Variants in COL4A4 observed in about 807,000 individuals in gnomAD.
COL4A4 encodes the protein collagen type IV alpha 4 chain.
In COL4A4, 105 loss-of-function variants were observed where a neutral mutation model predicts 192.9. That is an observed-to-expected ratio of 0.54 (90% CI 0.46 to 0.64). COL4A4 has a LOEUF of 0.64. Among genes scored for constraint, COL4A4 ranks in the 30% least tolerant of loss-of-function variants. The probability of loss-of-function intolerance (pLI) is 0.00; values close to 1 mark genes in which losing one functional copy is unlikely to be tolerated. For synonymous variants in COL4A4, 762 were observed against 769.9 expected (o/e 0.99, Z 0.17); for missense variants, 1,967 against 2,169.3 (o/e 0.91, Z 1.85).
chr2:227,118,699 T>A lies in COL4A4; in HGVS notation c.435A>T (p.Arg145Ser). 3.7e-6 allele frequency: 6 copies of A among 1,614,096 alleles called. No individual in the cohort carries two copies. The highest frequency in any genetic ancestry group is 5.1e-6 in the Non-Finnish European group (6 of 1,180,012). ...TTCCTCCTGGAAACCCTGGGTCACCTCTTGAGCCATTGTGGCCACTCATAC... is the reference window on the plus strand; with the variant it reads ...TTCCTCCTGGAAACCCTGGGTCACCACTTGAGCCATTGTGGCCACTCATAC... ...KPGMSGHNGS[R>S]GDPGFPGGRG... The change falls in exon 7 of 48, where the codon AGA becomes AGT. Residue 145 changes from arginine (R) to serine (S), a missense_variant. Arg to Ser is a moderately radical substitution (Grantham distance 110). Coordinates refer to ENST00000396625, the MANE Select transcript of COL4A4 (RefSeq NM_000092.5).
intron 20 of COL4A4, among the ~76,000 whole-genome samples, chr2:227,093,233 A>G (rs1275421510): frequency 1.3e-5 from 2 of 152,150 alleles, no homozygotes; most frequent in African/African-American, 4.8e-5. Context: ...AGTTTAAATA[A>G]TAATAGCCCT....
rs1300750191 is a variant in COL4A4, at chr2:227,138,616, G to C, written c.192+1545C>G. ...CCACCGCACTCCAGCCTGGGTGACA[G>C]AGCGAGACTCTGTCTCAAAACAAAA... is the stretch of plus-strand genomic sequence containing the variant. On this transcript the variant is annotated intron_variant, in intron 4 of 47. Coordinates refer to ENST00000396625, the MANE Select transcript of COL4A4 (RefSeq NM_000092.5). Among the ~76,000 whole-genome samples, 3 of 148,264 alleles carry C rather than the reference G, an allele frequency of 2.0e-5. No individual in the cohort carries two copies. In the East Asian group the frequency reaches 5.9e-4, roughly 29 times the overall value.
intron 22 of COL4A4, among the ~76,000 whole-genome samples, chr2:227,086,796 A>G (rs76857260): frequency 0.056 from 8,489 of 152,292 alleles, 380 homozygotes; most frequent in African/African-American, 0.11. Context: ...GTACCAACAC[A>G]CACAAAAATG....
chr2:227,018,919 T>A (rs935555552), intron 44 of COL4A4, among the ~76,000 whole-genome samples: 3 of 152,274 alleles, frequency 2.0e-5, no homozygotes, highest in East Asian at 1.9e-4. Flanking sequence ...GGAGAGAGAA[T>A]CTTGTTCTTG....
At chr2:227,066,110 G>T (rs1559537325) in intron 25 of COL4A4, among the ~76,000 whole-genome samples, 1 of 152,172 alleles carries the variant, frequency 6.6e-6, no homozygotes. Context: ...CGATCAACTG[G>T]AACAAAGGGT....
At chr2:227,095,620 C>T (rs115465888) in intron 19 of COL4A4, among the ~76,000 whole-genome samples, 1 of 152,156 alleles carries the variant, frequency 6.6e-6, no homozygotes, top group Admixed American at 6.5e-5. Flanking sequence ...GCTGGCCAGG[C>T]CCGGTGGCTC....
intron 31 of COL4A4, 79 bp from the exon 32 acceptor site, chr2:227,052,491 C>G: frequency 1.2e-6 from 1 of 848,394 alleles, no homozygotes; most frequent in Non-Finnish European, 2.0e-6. Flanking sequence ...ATTTCACTCC[C>G]AAATCGCAAA....
At chr2:227,034,194 G>A (rs921140111) in intron 37 of COL4A4, among the ~76,000 whole-genome samples, 6 of 152,186 alleles carry the variant, frequency 3.9e-5, no homozygotes, top group African/African-American at 1.4e-4. Flanking sequence ...CCAAAGAGCC[G>A]TCCACCAGCC....
intron 12 of COL4A4, 48 bp downstream of exon 12, chr2:227,108,533 G>GCA (rs752158015): frequency 6.4e-7 from 1 of 1,571,776 alleles, no homozygotes; most frequent in Non-Finnish European, 8.8e-7. Flanking sequence ...CCCCTGAGCA[G>GCA]CACACACACG....
chr2:227,057,423 A>C lies in COL4A4; in HGVS notation c.2545+16T>G, dbSNP rs2150249487. The C allele has an allele frequency of 6.3e-7, 1 of 1,593,686 alleles. No individual in the cohort carries two copies. The highest frequency in any genetic ancestry group is 8.6e-7 in the Non-Finnish European group (1 of 1,169,038). On this transcript the variant is annotated intron_variant, in intron 29 of 47. Transcript: ENST00000396625. Reference sequence around the variant, plus strand: ...GTAGGGTAAGCCCCAGACCCTTCACAGTTCTTGACACTTACCTGGGCTACC... The same window carrying C: ...GTAGGGTAAGCCCCAGACCCTTCACCGTTCTTGACACTTACCTGGGCTACC...
the COL4A4 span, among the ~76,000 whole-genome samples, chr2:226,987,167 G>A: frequency 6.6e-6 from 1 of 152,172 alleles, no homozygotes; most frequent in Non-Finnish European, 1.5e-5. Flanking sequence ...TCACAGACCA[G>A]GGCCTGTTGG....
At chr2:227,063,533 T>C (rs1977669701) in intron 25 of COL4A4, among the ~76,000 whole-genome samples, 1 of 152,038 alleles carries the variant, frequency 6.6e-6, no homozygotes, top group Admixed American at 6.6e-5. Flanking sequence ...ACTTCACAAC[T>C]AGCAATGTAG....
At chr2:227,046,068 C>CGT (rs1400778037) in intron 35 of COL4A4, among the ~76,000 whole-genome samples, 9 of 133,852 alleles carry the variant, frequency 6.7e-5, no homozygotes, top group South Asian at 4.5e-4. Context: ...AACATATATA[C>CGT]ATATATATAT....
intron 9 of COL4A4, 66 bp from the exon 10 acceptor site, chr2:227,109,352 G>A (rs1480390286): frequency 7.9e-7 from 1 of 1,272,364 alleles, no homozygotes; most frequent in Non-Finnish European, 1.2e-6. Flanking sequence ...AGAAAGAGTT[G>A]CGTGTGATCC....
chr2:227,061,305 G>A (rs1976986073), intron 26 of COL4A4, among the ~76,000 whole-genome samples: 1 of 152,220 alleles, frequency 6.6e-6, no homozygotes, highest in East Asian at 1.9e-4. Flanking sequence ...GTGGTGGGCG[G>A]AGTGTAATTC....
At chr2:227,120,019 A>G (rs1345671110) in intron 5 of COL4A4, 80 bp from the exon 6 acceptor site, 13 of 1,106,718 alleles carry the variant, frequency 1.2e-5, no homozygotes, top group Non-Finnish European at 1.4e-5. Context: ...GTAACAATTA[A>G]TTACTCATCT....
chr2:227,083,473 G>C (rs969750240), intron 22 of COL4A4, among the ~76,000 whole-genome samples: 3 of 151,994 alleles, frequency 2.0e-5, no homozygotes, highest in African/African-American at 7.2e-5. Flanking sequence ...TTGAGACGGG[G>C]TCTCACTTCA....
rs530983212 is a variant in COL4A4 at position 227,071,683 on chromosome 2, A to C, written c.1987+6211T>G. Among the ~76,000 whole-genome samples, 3 of 152,284 alleles carry C rather than the reference A, an allele frequency of 2.0e-5. No individual in the cohort carries two copies. The South Asian group carries it at 6.2e-4, about 32-fold the overall frequency. ...GTCTCAATAAATTTTTTAAAACTGA[A>C]ATTGTATCAAGTATCTTCTCAGACC... On this transcript the variant is annotated intron_variant, in intron 25 of 47. Transcript: ENST00000396625.
chr2:227,121,265 A>G, intron 4 of COL4A4, 117 bp from the exon 5 acceptor site: 1 of 1,199,864 alleles, frequency 8.3e-7, no homozygotes, highest in East Asian at 2.6e-5. Context: ...CACAACTCTA[A>G]TAATAGAAAC....
Sources: gnomAD v4.1 joint callset for allele counts (sites outside exome capture counted in the v4.1 genomes callset) on GRCh38, gnomAD v4.1.1 for gene constraint, MANE v1.5 for transcripts, NCBI Gene and HGNC (gene_info 2026-07-23, HGNC 2026-07-21) for gene names.